Variants in CAMK4 observed in about 807,000 individuals in gnomAD.
CAMK4 encodes calcium/calmodulin dependent protein kinase IV, also known as calcium/calmodulin-dependent protein kinase type IV.
In CAMK4, 22 loss-of-function variants were observed where a neutral mutation model predicts 44.9. The observed-to-expected ratio is 0.49, with a 90% confidence interval of 0.35 to 0.70. The LOEUF (loss-of-function observed/expected upper bound fraction) is 0.70. CAMK4 is among the 30% of genes least tolerant of loss of function. CAMK4 has a pLI of 0.01. For missense variants in CAMK4, 498 were observed against 586.8 expected (o/e 0.85, Z 1.56); for synonymous variants, 218 against 215.4 (o/e 1.01, Z -0.11).
chr5:111,260,644 TCTTTTCTTAC>T (rs1425142749), intron 1 of CAMK4, among the ~76,000 whole-genome samples: 1 of 152,200 alleles, frequency 6.6e-6, no homozygotes. Flanking sequence ...TCTCTTCCTG[TCTTTTCTTAC>T]ACTTCCAGTC....
intron 5 of CAMK4, among the ~76,000 whole-genome samples, chr5:111,417,822 C>T (rs910655754): frequency 7.2e-5 from 11 of 152,134 alleles, no homozygotes; most frequent in Non-Finnish European, 1.6e-4. Flanking sequence ...TAATTCAAAA[C>T]GTCCATTTAT....
intron 1 of CAMK4, among the ~76,000 whole-genome samples, chr5:111,343,284 A>C (rs1466946139): frequency 6.6e-6 from 1 of 151,722 alleles, no homozygotes; most frequent in Non-Finnish European, 1.5e-5. Context: ...CCTTTGGCCT[A>C]ATCTTCAAAG....
At position 111,267,134 on chromosome 5, in the gene CAMK4, C is replaced by T. The variant is rs528229145; in HGVS notation, c.161+42490C>T. 1.5e-3 allele frequency among the ~76,000 whole-genome samples: 228 copies of T among 152,152 alleles called. 3 individuals carry two copies. The highest frequency in any genetic ancestry group is 5.3e-3 in the African/African-American group (219 of 41,504). ...TGATTCTGGTAGTCTCTGAGAGCTTCCTTGTTGTCTATTTTAAGATACTCT... is the reference window on the plus strand; with the variant it reads ...TGATTCTGGTAGTCTCTGAGAGCTTTCTTGTTGTCTATTTTAAGATACTCT... On this transcript the variant is annotated intron_variant, in intron 1 of 10. Transcript: ENST00000282356.
rs570084974 is a variant in CAMK4 at position 111,240,546 on chromosome 5, C to T, written c.161+15902C>T. On this transcript the variant is annotated intron_variant, in intron 1 of 10. Transcript: ENST00000282356. ...TTAATTGTCCTACCCTCTCTTCTGGCGAAGGAACTTCATTGCAGTACTTAA... is the reference window on the plus strand; with the variant it reads ...TTAATTGTCCTACCCTCTCTTCTGGTGAAGGAACTTCATTGCAGTACTTAA... Among the ~76,000 whole-genome samples the T allele has an allele frequency of 7.5e-4, 114 of 152,258 alleles. No individual in the cohort carries two copies. The South Asian group carries it at 0.022, about 30-fold the overall frequency.
In CAMK4 at chr5:111,478,432, C is replaced by T; in HGVS notation, c.753C>T (p.Phe251=). Residue 251 remains phenylalanine (F), a synonymous_variant, in exon 9 of 11, where the codon TTC becomes TTT. Coordinates refer to ENST00000282356, the MANE Select transcript of CAMK4 (RefSeq NM_001744.6). ...ATGAAAGAGGCGATCAGTTCATGTT[C>T]AGGAGAATTCTGAATTGTGAATATT... ...FYDERGDQFM[F]RRILNCEYYF... The T allele has an allele frequency of 6.4e-7, 1 of 1,572,620 alleles. No individual in the cohort carries two copies. The highest frequency in any genetic ancestry group is 8.7e-7 in the Non-Finnish European group (1 of 1,144,684).
intron 1 of CAMK4, among the ~76,000 whole-genome samples, chr5:111,327,785 C>G (rs374962837): frequency 2.7e-5 from 4 of 149,228 alleles, no homozygotes; most frequent in Non-Finnish European, 4.5e-5. Flanking sequence ...TTTCATGTGT[C>G]TTTTGGCTGC....
intron 9 of CAMK4, among the ~76,000 whole-genome samples, chr5:111,479,777 C>T (rs537445833): frequency 7.2e-5 from 11 of 152,174 alleles, no homozygotes; most frequent in African/African-American, 2.4e-4. Flanking sequence ...AAGAGAAAGT[C>T]AGTGTGTGTG....
intron 1 of CAMK4, among the ~76,000 whole-genome samples, chr5:111,332,142 C>T (rs536746116): frequency 5.9e-5 from 9 of 151,568 alleles, no homozygotes; most frequent in Non-Finnish European, 1.2e-4. Context: ...AAGTTAGTTA[C>T]GTATGTATAC....
At chr5:111,445,402 CT>C (rs980007502) in intron 5 of CAMK4, among the ~76,000 whole-genome samples, 10 of 150,460 alleles carry the variant, frequency 6.6e-5, no homozygotes, top group Non-Finnish European at 8.9e-5. Context: ...CATATGTAGT[CT>C]TTTTTTTTGG....
At chr5:111,407,669 C>T (rs1283537713) in intron 5 of CAMK4, among the ~76,000 whole-genome samples, 1 of 152,222 alleles carries the variant, frequency 6.6e-6, no homozygotes, top group Non-Finnish European at 1.5e-5. Context: ...TGTATGTATT[C>T]TGTTCTTATG....
chr5:111,227,434 G>A (rs1220778428), intron 1 of CAMK4, among the ~76,000 whole-genome samples: 3 of 152,236 alleles, frequency 2.0e-5, no homozygotes, highest in Non-Finnish European at 2.9e-5. Context: ...ACGTGTTGCT[G>A]TTGTGGTTAG....
rs1444259365 is a variant in CAMK4, at chr5:111,290,431, A to G, written c.162-53593A>G. On this transcript the variant is annotated intron_variant, in intron 1 of 10. Transcript: ENST00000282356. The surrounding 1 kb of genome is among the most constrained non-coding windows in gnomAD (Gnocchi z 4.5). ...AGGGAATTAAATTCCAGGCAGTAGGAGTGAGCAATAAGAGAAATGAACCAG... is the reference window on the plus strand; with the variant it reads ...AGGGAATTAAATTCCAGGCAGTAGGGGTGAGCAATAAGAGAAATGAACCAG... Among the ~76,000 whole-genome samples, 1 of 152,212 alleles carries G rather than the reference A, an allele frequency of 6.6e-6. No individual in the cohort carries two copies. Among genetic ancestry groups the G allele is most frequent in the Non-Finnish European group, 1.5e-5 (1 of 68,032 alleles).
At chr5:111,409,662 A>C (rs1010907305) in intron 5 of CAMK4, among the ~76,000 whole-genome samples, 5 of 152,202 alleles carry the variant, frequency 3.3e-5, no homozygotes, top group African/African-American at 4.8e-5. Context: ...AGCAGGCTGC[A>C]AATTTTCCAA....
intron 1 of CAMK4, among the ~76,000 whole-genome samples, chr5:111,281,034 C>T (rs901332634): frequency 5.9e-5 from 9 of 152,150 alleles, no homozygotes; most frequent in East Asian, 1.9e-4. Context: ...AGGAAGGTCA[C>T]GGCAATATTT....
chr5:111,430,016 A>G (rs933466320), intron 5 of CAMK4, among the ~76,000 whole-genome samples: 7 of 152,164 alleles, frequency 4.6e-5, no homozygotes, highest in African/African-American at 1.4e-4. Context: ...ATATATCAAA[A>G]AAGAAAACTA....
chr5:111,254,651 C>T (rs1020341987), intron 1 of CAMK4, among the ~76,000 whole-genome samples: 2 of 152,170 alleles, frequency 1.3e-5, no homozygotes, highest in Non-Finnish European at 2.9e-5. Context: ...CTGCACATCC[C>T]ATCTACTCCT....
At chr5:111,274,404 G>C (rs551666467) in intron 1 of CAMK4, among the ~76,000 whole-genome samples, 46 of 152,194 alleles carry the variant, frequency 3.0e-4, no homozygotes, top group African/African-American at 1.1e-3. Flanking sequence ...CATCCCCAAG[G>C]CCTTAGAACA....
At chr5:111,400,796 TG>T (rs1752194821) in intron 5 of CAMK4, among the ~76,000 whole-genome samples, 1 of 152,220 alleles carries the variant, frequency 6.6e-6, no homozygotes, top group Non-Finnish European at 1.5e-5. Flanking sequence ...CAAAGTTAAA[TG>T]GTCTAGGTCA....
chr5:111,377,970 G>T (rs1169668916), intron 4 of CAMK4, among the ~76,000 whole-genome samples: 1 of 152,074 alleles, frequency 6.6e-6, no homozygotes, highest in Non-Finnish European at 1.5e-5. Flanking sequence ...AAGGGGATTA[G>T]TTTTGAATGC....
Sources: allele counts gnomAD v4.1 joint callset (sites outside exome capture counted in the v4.1 genomes callset), GRCh38; gene constraint gnomAD v4.1.1; non-coding constraint Gnocchi (gnomAD v3.1); transcripts MANE v1.5; gene names NCBI Gene and HGNC (gene_info 2026-07-23, HGNC 2026-07-21).